SEMA3A: variants seen among roughly 807,000 people sequenced by gnomAD.
The protein encoded by SEMA3A is semaphorin-3A.
Under a neutral mutation model 97.9 loss-of-function variants are expected in SEMA3A, and 29 were observed. The observed-to-expected ratio is 0.30, with a 90% confidence interval of 0.22 to 0.40. The LOEUF (loss-of-function observed/expected upper bound fraction) is 0.40. Ranked by LOEUF, SEMA3A falls within the 10% of genes least tolerant of loss-of-function variation. The probability of loss-of-function intolerance (pLI) is 1.00; values close to 1 mark genes in which losing one functional copy is unlikely to be tolerated. For missense variants in SEMA3A, 763 were observed against 951.3 expected (o/e 0.80, Z 2.60); for synonymous variants, 321 against 323.7 (o/e 0.99, Z 0.09).
intron 1 of SEMA3A, among the ~76,000 whole-genome samples, chr7:84,154,679 G>GAAAAAAAAAACAAAAA (rs1796783327): frequency 8.9e-6 from 1 of 112,218 alleles, no homozygotes. Context: ...TAGTCTCAGG[G>GAAAAAAAAAACAAAAA]AAAAAAAAAA....
intron 1 of SEMA3A, among the ~76,000 whole-genome samples, chr7:84,435,174 C>T (rs967239142): frequency 4.0e-5 from 6 of 151,774 alleles, no homozygotes; most frequent in Admixed American, 1.3e-4. Flanking sequence ...ACAAAATTAA[C>T]GTACAAAAAT....
At chr7:84,049,634 CT>C (rs1792511465) in intron 5 of SEMA3A, among the ~76,000 whole-genome samples, 1 of 151,710 alleles carries the variant, frequency 6.6e-6, no homozygotes, top group South Asian at 2.1e-4. Flanking sequence ...TTAAAAATGC[CT>C]GTTCAGCAAA....
chr7:84,094,769 C>T (rs1794705351), intron 4 of SEMA3A, among the ~76,000 whole-genome samples: 1 of 151,978 alleles, frequency 6.6e-6, no homozygotes, highest in Admixed American at 6.6e-5. Flanking sequence ...TTATTAATTG[C>T]CCGTTGAAAT....
At chr7:84,471,860 A>C (rs1806161490) in intron 1 of SEMA3A, among the ~76,000 whole-genome samples, 1 of 151,400 alleles carries the variant, frequency 6.6e-6, no homozygotes. Context: ...TCCAATACAA[A>C]TTTGCTGCTT....
At chr7:84,416,054 T>C (rs1804424431) in intron 1 of SEMA3A, among the ~76,000 whole-genome samples, 1 of 152,096 alleles carries the variant, frequency 6.6e-6, no homozygotes, top group East Asian at 1.9e-4. Context: ...CCAAAGATTC[T>C]TATAAAGTAT....
chr7:84,010,073 G>A (rs544947313), intron 9 of SEMA3A, among the ~76,000 whole-genome samples: 1 of 151,478 alleles, frequency 6.6e-6, no homozygotes. Flanking sequence ...TGTTTATTTT[G>A]TTTATGTCTT....
chr7:84,103,611 C>T (rs989408011), intron 4 of SEMA3A, among the ~76,000 whole-genome samples: 12 of 151,972 alleles, frequency 7.9e-5, no homozygotes, highest in Non-Finnish European at 1.3e-4. Flanking sequence ...TGTTATGCTA[C>T]TTTTCTTATA....
chr7:84,391,612 A>G (rs1340388021), intron 1 of SEMA3A, among the ~76,000 whole-genome samples: 2 of 152,146 alleles, frequency 1.3e-5, no homozygotes, highest in Admixed American at 6.6e-5. Flanking sequence ...GCAGGGTAAG[A>G]TATGTGCTCT....
intron 1 of SEMA3A, among the ~76,000 whole-genome samples, chr7:84,425,428 TATAA>T (rs1401537158): frequency 8.4e-5 from 11 of 131,214 alleles, no homozygotes; most frequent in African/African-American, 3.0e-4. Flanking sequence ...TTTATATGAA[TATAA>T]ATATAGGCAT....
chr7:84,225,705 G>A (rs1397307702), intron 3 of SEMA3A, among the ~76,000 whole-genome samples: 1 of 152,076 alleles, frequency 6.6e-6, no homozygotes, highest in Non-Finnish European at 1.5e-5. Flanking sequence ...GCAACACAAA[G>A]ACACTCACAC....
At chr7:84,197,671 A>G (rs1026260722), upstream of SEMA3A, among the ~76,000 whole-genome samples, 1 of 149,656 alleles carries the variant, frequency 6.7e-6, no homozygotes, top group African/African-American at 2.5e-5. Flanking sequence ...GTCAGAATCT[A>G]TCGGAATCTG....
intron 3 of SEMA3A, among the ~76,000 whole-genome samples, chr7:84,225,436 C>T (rs1009263228): frequency 6.6e-6 from 1 of 152,036 alleles, no homozygotes; most frequent in Non-Finnish European, 1.5e-5. Flanking sequence ...AAGATTATTG[C>T]TTTTGCGTGA....
intron 1 of SEMA3A, among the ~76,000 whole-genome samples, chr7:84,469,080 A>G (rs1054344120): frequency 6.6e-6 from 1 of 152,300 alleles, no homozygotes; most frequent in Admixed American, 6.5e-5. Flanking sequence ...GCTGAACTGA[A>G]AAGCATGCCA....
intron 2 of SEMA3A, among the ~76,000 whole-genome samples, chr7:84,330,551 G>A (rs1801886122): frequency 6.6e-6 from 1 of 151,976 alleles, no homozygotes; most frequent in East Asian, 1.9e-4. Flanking sequence ...AAAGTAGGAA[G>A]GCACATGTAC....
intron 4 of SEMA3A, among the ~76,000 whole-genome samples, chr7:84,109,654 G>T (rs1795218208): frequency 6.6e-6 from 1 of 152,154 alleles, no homozygotes; most frequent in Non-Finnish European, 1.5e-5. Flanking sequence ...TAGGCTATCA[G>T]AAATATTTCA....
At chr7:84,100,399 T>C (rs1376703873) in intron 4 of SEMA3A, among the ~76,000 whole-genome samples, 5 of 152,172 alleles carry the variant, frequency 3.3e-5, no homozygotes, top group Non-Finnish European at 7.4e-5. Context: ...ATAGCATCTT[T>C]GCCTCAGGTC....
intron 5 of SEMA3A, among the ~76,000 whole-genome samples, chr7:84,056,422 C>T (rs112559469): frequency 5.5e-4 from 83 of 152,160 alleles, no homozygotes; most frequent in Middle Eastern, 6.8e-3. Context: ...GAAACAAAAC[C>T]ACATTTCCTG....
At chr7:84,418,211 G>T (rs2039741008) in intron 1 of SEMA3A, among the ~76,000 whole-genome samples, 1 of 152,046 alleles carries the variant, frequency 6.6e-6, no homozygotes, top group Non-Finnish European at 1.5e-5. Context: ...AATTTATAAA[G>T]GAAAGAGGTT....
rs1017571919 is a variant in SEMA3A at position 83,961,009 on chromosome 7, C to T, written c.*362G>A. The stretch of plus-strand genomic sequence containing the variant: ...TTCATTTTAAACTTTTAGTTCAATA[C>T]AATGGCTTTGCTGATGCAGTTTTTC... On this transcript the variant is annotated 3_prime_UTR_variant, in exon 17 of 17. Coordinates refer to ENST00000265362, the MANE Select transcript of SEMA3A (RefSeq NM_006080.3). 3.8e-6 allele frequency: 1 copy of T among 261,304 alleles called. No homozygotes were observed. The allele number at this position is 261,304 out of a possible 1,614,324, so 16.2% of individuals were successfully genotyped here.
Sources: allele counts gnomAD v4.1 joint callset (sites outside exome capture counted in the v4.1 genomes callset), GRCh38; gene constraint gnomAD v4.1.1; transcripts MANE v1.5; gene names NCBI Gene and HGNC (gene_info 2026-07-23, HGNC 2026-07-21).